The following KLHL32 variants were observed in gnomAD, a reference collection of about 807,000 sequenced individuals.
KLHL32 encodes the protein kelch-like protein 32.
KLHL32 carries 35 observed loss-of-function variants against 64.8 expected under a neutral mutation model. That is an observed-to-expected ratio of 0.54 (90% CI 0.41 to 0.72). KLHL32 has a LOEUF of 0.72. Ranked by LOEUF, KLHL32 falls within the 30% of genes least tolerant of loss-of-function variation. The pLI, the probability that KLHL32 is intolerant of heterozygous loss-of-function variation, is 0.00. For missense variants in KLHL32, 589 were observed against 768.5 expected (o/e 0.77, Z 2.76); for synonymous variants, 259 against 281.0 (o/e 0.92, Z 0.78).
At chr6:96,912,494 A>G in the KLHL32 span, among the ~76,000 whole-genome samples, 5 of 152,008 alleles carry the variant, frequency 3.3e-5, no homozygotes, top group East Asian at 1.9e-4. Flanking sequence ...TCTTTTCTCC[A>G]TTATCCCTTA....
the KLHL32 span, among the ~76,000 whole-genome samples, chr6:96,915,186 T>C: frequency 6.6e-6 from 1 of 152,202 alleles, no homozygotes; most frequent in Admixed American, 6.5e-5. Context: ...CTGAAATTTA[T>C]AATTTAATCT....
At chr6:96,898,416 C>G in the KLHL32 span, among the ~76,000 whole-genome samples, 1 of 151,978 alleles carries the variant, frequency 6.6e-6, no homozygotes, top group South Asian at 2.1e-4. Context: ...TGTTCTCAGC[C>G]GCTCTCATTT....
At chr6:97,124,674 C>T (rs1433227317) in intron 7 of KLHL32, among the ~76,000 whole-genome samples, 1 of 152,136 alleles carries the variant, frequency 6.6e-6, no homozygotes, top group African/African-American at 2.4e-5. Flanking sequence ...CTTTTGAAGT[C>T]TTTAAATGAT....
At chr6:97,050,669 A>G (rs1786742981) in intron 4 of KLHL32, among the ~76,000 whole-genome samples, 1 of 152,124 alleles carries the variant, frequency 6.6e-6, no homozygotes, top group African/African-American at 2.4e-5. Flanking sequence ...AGGCACAGAC[A>G]TTTTCCTTTG....
At chr6:97,088,394 T>G (rs1352310323) in intron 6 of KLHL32, among the ~76,000 whole-genome samples, 1 of 152,160 alleles carries the variant, frequency 6.6e-6, no homozygotes, top group Admixed American at 6.5e-5. Context: ...ACCTGGCAAA[T>G]CTCTATCTGT....
chr6:96,910,632 T>C, the KLHL32 span, among the ~76,000 whole-genome samples: 1 of 152,194 alleles, frequency 6.6e-6, no homozygotes, highest in Admixed American at 6.5e-5. Flanking sequence ...AGTTTAAAAT[T>C]TTTGTTGATT....
chr6:97,063,051 A>G (rs1245342533), intron 4 of KLHL32, among the ~76,000 whole-genome samples: 1 of 152,158 alleles, frequency 6.6e-6, no homozygotes, highest in African/African-American at 2.4e-5. Context: ...TTTCATGGAG[A>G]TGGAAAGTCT....
intron 8 of KLHL32, among the ~76,000 whole-genome samples, chr6:97,128,440 G>A (rs939602787): frequency 6.6e-6 from 1 of 152,224 alleles, no homozygotes; most frequent in Non-Finnish European, 1.5e-5. Context: ...GAGGAAGAAG[G>A]TGTTAACATT....
intron 1 of KLHL32, among the ~76,000 whole-genome samples, chr6:96,952,388 A>C (rs1288121859): frequency 6.6e-6 from 1 of 152,298 alleles, no homozygotes; most frequent in Middle Eastern, 3.4e-3. Context: ...GAATTAGCCT[A>C]TGGTAAAATT....
intron 1 of KLHL32, among the ~76,000 whole-genome samples, chr6:96,959,857 T>C (rs1360252300): frequency 6.6e-6 from 1 of 152,208 alleles, no homozygotes; most frequent in Non-Finnish European, 1.5e-5. Flanking sequence ...GGTATTACCT[T>C]ACATAGTCTG....
chr6:97,135,907 C>A (rs912241681), intron 10 of KLHL32, among the ~76,000 whole-genome samples: 6 of 152,068 alleles, frequency 3.9e-5, no homozygotes, highest in South Asian at 2.1e-4. Flanking sequence ...TAAAGAACAT[C>A]CAACAGAGGC....
intron 1 of KLHL32, among the ~76,000 whole-genome samples, chr6:96,954,947 C>A (rs1399520025): frequency 1.3e-5 from 2 of 152,188 alleles, no homozygotes; most frequent in Non-Finnish European, 2.9e-5. Flanking sequence ...ATATTTCTCA[C>A]AATTCTGAAG....
chr6:96,982,324 T>G (rs923289017), intron 3 of KLHL32, among the ~76,000 whole-genome samples: 6 of 152,212 alleles, frequency 3.9e-5, no homozygotes, highest in Non-Finnish European at 8.8e-5. Context: ...TGTCTTCTTT[T>G]ATTGGTGTTG....
In KLHL32 at chr6:97,056,307, A is replaced by G. The variant is rs188412557; in HGVS notation, c.313-8321A>G. On this transcript the variant is annotated intron_variant, in intron 4 of 10. Coordinates refer to ENST00000369261, the MANE Select transcript of KLHL32 (RefSeq NM_052904.4). Reference sequence around the variant, plus strand: ...TTTTTAGTAGAGTCGGGGTTTCACCATGTTAGCCAGGATGGTCTTGATCTC... The same window carrying G: ...TTTTTAGTAGAGTCGGGGTTTCACCGTGTTAGCCAGGATGGTCTTGATCTC... 5.7e-3 allele frequency among the ~76,000 whole-genome samples: 860 copies of G among 151,746 alleles called. 3 individuals carry two copies. Among genetic ancestry groups the G allele is most frequent in the African/African-American group, 0.018 (743 of 41,360 alleles).
chr6:97,111,661 T>C (rs112120534), intron 6 of KLHL32, among the ~76,000 whole-genome samples: 2,717 of 152,294 alleles, frequency 0.018, 65 homozygotes, highest in African/African-American at 0.062. Flanking sequence ...CATCTGTGGA[T>C]GGCTTAAATA....
chr6:97,042,191 T>C (rs1785230011), intron 4 of KLHL32, among the ~76,000 whole-genome samples: 1 of 152,232 alleles, frequency 6.6e-6, no homozygotes, highest in Non-Finnish European at 1.5e-5. Flanking sequence ...TTAGCTCCCC[T>C]TTTATAAATT....
intron 3 of KLHL32, among the ~76,000 whole-genome samples, chr6:96,981,059 A>C (rs1052104950): frequency 4.6e-5 from 7 of 152,112 alleles, no homozygotes; most frequent in Admixed American, 3.9e-4. Flanking sequence ...ATCTCATGAG[A>C]ACTCACTCAC....
At chr6:96,904,339 C>CAAAAAAAAAAAA in the KLHL32 span, among the ~76,000 whole-genome samples, 6 of 106,046 alleles carry the variant, frequency 5.7e-5, no homozygotes, top group African/African-American at 1.4e-4. Flanking sequence ...AAGACTTTGT[C>CAAAAAAAAAAAA]AAAAAAAAAA....
rs545264889 is a variant in KLHL32, at chr6:97,085,135, A to T, written c.421A>T (p.Ser141Cys). 7.5e-5 allele frequency: 121 copies of T among 1,610,416 alleles called. No individual in the cohort carries two copies. The highest frequency in any genetic ancestry group is 8.9e-5 in the Non-Finnish European group (105 of 1,177,786). Reference sequence around the variant, plus strand: ...ATTTTTTGGCACCCAGGAATTAAATAGCTTTAATTACTTGGATCTGTACAG... The same window carrying T: ...ATTTTTTGGCACCCAGGAATTAAATTGCTTTAATTACTTGGATCTGTACAG... ...CSHYLIQELN[S>C]FNYLDLYRLA... Residue 141 changes from serine (S) to cysteine (C), a missense_variant, in exon 6 of 11, where the codon AGC becomes TGC. Around this residue, in one of 3 missense-constraint regions of KLHL32, gnomAD observed 191 missense variants for 223.3 expected, o/e 0.86. Coordinates refer to ENST00000369261, the MANE Select transcript of KLHL32 (RefSeq NM_052904.4).
Sources: allele counts gnomAD v4.1 joint callset (sites outside exome capture counted in the v4.1 genomes callset), GRCh38; gene constraint gnomAD v4.1.1; regional missense constraint gnomAD v4.1.1; transcripts MANE v1.5; gene names NCBI Gene and HGNC (gene_info 2026-07-23, HGNC 2026-07-21).